MAP4: variants seen among roughly 807,000 people sequenced by gnomAD.
MAP4 encodes the protein microtubule-associated protein 4.
In MAP4, 76 loss-of-function variants were observed where a neutral mutation model predicts 170.2. The ratio of observed to expected loss-of-function variants is 0.45; its 90% CI spans 0.37 to 0.54. The LOEUF is 0.54. MAP4 is among the 20% of genes least tolerant of loss of function. MAP4 has a pLI of 0.00. For synonymous variants in MAP4, 909 were observed against 994.5 expected (o/e 0.91, Z 1.62); for missense variants, 2,506 against 2,748.0 (o/e 0.91, Z 1.97).
intron 1 of MAP4, among the ~76,000 whole-genome samples, chr3:48,015,568 T>C (rs535641614): frequency 6.6e-6 from 1 of 152,282 alleles, no homozygotes; most frequent in East Asian, 1.9e-4. Flanking sequence ...ACATCAGATT[T>C]TTTTTTAGTA....
At chr3:48,008,039 C>T (rs1037537454) in intron 1 of MAP4, among the ~76,000 whole-genome samples, 3 of 152,270 alleles carry the variant, frequency 2.0e-5, no homozygotes, top group East Asian at 3.9e-4. Context: ...AGTCACCATG[C>T]GACCTGAACT....
At chr3:47,934,077 C>T (rs1198226595) in intron 3 of MAP4, among the ~76,000 whole-genome samples, 1 of 152,182 alleles carries the variant, frequency 6.6e-6, no homozygotes, top group Non-Finnish European at 1.5e-5. Context: ...TTTTTAAACA[C>T]TGCTGGAGAA....
At chr3:47,978,780 C>CTTTTTTTTTT (rs2100083705) in intron 2 of MAP4, among the ~76,000 whole-genome samples, 1 of 119,862 alleles carries the variant, frequency 8.3e-6, no homozygotes, top group Non-Finnish European at 1.7e-5. Flanking sequence ...TTAGTTGTAT[C>CTTTTTTTTTT]TTATTCCCTA....
intron 4 of MAP4, among the ~76,000 whole-genome samples, chr3:47,923,397 G>C (rs1317117240): frequency 6.6e-6 from 1 of 151,142 alleles, no homozygotes; most frequent in Non-Finnish European, 1.5e-5. Flanking sequence ...AGGCAATATT[G>C]GGAAACTTGT....
intron 3 of MAP4, among the ~76,000 whole-genome samples, chr3:47,934,554 G>A (rs1204641756): frequency 6.6e-6 from 1 of 152,014 alleles, no homozygotes; most frequent in Non-Finnish European, 1.5e-5. Flanking sequence ...CACCCATCTT[G>A]GCCTCCCAAA....
intron 10 of MAP4, among the ~76,000 whole-genome samples, chr3:47,894,980 C>G (rs978728591): frequency 2.1e-4 from 31 of 148,444 alleles, no homozygotes; most frequent in Non-Finnish European, 4.1e-4. Flanking sequence ...GGGCCGTGAT[C>G]ACATCACTGC....
intron 1 of MAP4, among the ~76,000 whole-genome samples, chr3:48,055,061 G>A (rs2100130041): frequency 6.6e-6 from 1 of 152,212 alleles, no homozygotes; most frequent in Admixed American, 6.5e-5. Context: ...AGAAAGCCAA[G>A]TAGGGTATCC....
chr3:47,934,949 C>T lies in MAP4; in HGVS notation c.293-6599G>A, dbSNP rs12487579. 3.1e-3 allele frequency among the ~76,000 whole-genome samples: 466 copies of T among 152,326 alleles called. 4 individuals carry two copies. In the East Asian group the frequency reaches 0.035, roughly 11 times the overall value. ...ATCACCACCCTATGCTTAGGCACTACGAAAACACAGAAGCAAGTATTAGCC... is the reference window on the plus strand; with the variant it reads ...ATCACCACCCTATGCTTAGGCACTATGAAAACACAGAAGCAAGTATTAGCC... On this transcript the variant is annotated intron_variant, in intron 3 of 20. Coordinates refer to ENST00000683076, the MANE Select transcript of MAP4 (RefSeq NM_001385682.1).
intron 9 of MAP4, among the ~76,000 whole-genome samples, chr3:47,904,689 T>C (rs1205611849): frequency 6.9e-6 from 1 of 144,520 alleles, no homozygotes; most frequent in Non-Finnish European, 1.5e-5. Context: ...GGGGATGGAG[T>C]CTCACTCACT....
Position 47,929,607 on chromosome 3 carries a change from T to C in MAP4, c.293-1257A>G, listed in dbSNP as rs148429391. 3.1e-3 allele frequency among the ~76,000 whole-genome samples: 310 copies of C among 99,066 alleles called. No individual in the cohort carries two copies. In the Middle Eastern group the frequency reaches 0.033, roughly 10 times the overall value. The allele number at this position is 99,066 out of a possible 152,430, so 65.0% of individuals were successfully genotyped here. ...AAACAGATCAAAGACCTAACGTAGC[T>C]CACTTGCTAACTTATTATGCAAAAA... is the stretch of plus-strand genomic sequence containing the variant. On this transcript the variant is annotated intron_variant, in intron 3 of 20. Transcript: ENST00000683076.
rs1308936890 is a variant in MAP4, at chr3:47,910,783, CCTCT to C, written c.3634_3637del (p.Arg1212AlafsTer48). ...AAACTTTTTGCTTTTGCCTTCATTG[CCTCT>C]CTTTTTAGGCTTTTCAGAAATCCAG... is the stretch of plus-strand genomic sequence containing the variant. On this transcript the variant is annotated frameshift_variant, in exon 9 of 21. Coordinates refer to ENST00000683076, the MANE Select transcript of MAP4 (RefSeq NM_001385682.1). LOFTEE classifies it high-confidence loss of function. 1 of 1,535,994 alleles carries C rather than the reference CCTCT, an allele frequency of 6.5e-7. No homozygotes were observed. Among genetic ancestry groups the C allele is most frequent in the South Asian group, 1.2e-5 (1 of 84,050 alleles).
intron 1 of MAP4, among the ~76,000 whole-genome samples, chr3:48,002,632 A>G (rs1249801631): frequency 1.3e-5 from 2 of 152,186 alleles, no homozygotes; most frequent in Non-Finnish European, 2.9e-5. Flanking sequence ...TGTAACCCCA[A>G]CAATTTGAGA....
chr3:48,002,606 T>C lies in MAP4; in HGVS notation c.-19-3727A>G, dbSNP rs2100099808. 3.4e-5 allele frequency among the ~76,000 whole-genome samples: 5 copies of C among 146,834 alleles called. No individual in the cohort carries two copies. The Admixed American group carries it at 3.4e-4, about 10-fold the overall frequency. On this transcript the variant is annotated intron_variant, in intron 1 of 20. Coordinates refer to ENST00000683076, the MANE Select transcript of MAP4 (RefSeq NM_001385682.1). ...AAATAAAAATAAAAAATAAATAGGG[T>C]ACAGAGGCTCATGCCTGTAACCCCA... is the stretch of plus-strand genomic sequence containing the variant.
At chr3:47,880,119 T>C (rs927217637) in intron 10 of MAP4, among the ~76,000 whole-genome samples, 4 of 152,130 alleles carry the variant, frequency 2.6e-5, no homozygotes, top group Admixed American at 1.3e-4. Context: ...TTTTTTTTTT[T>C]GAGATGGAGT....
intron 10 of MAP4, among the ~76,000 whole-genome samples, chr3:47,878,476 G>A (rs760115220): frequency 6.6e-6 from 1 of 152,026 alleles, no homozygotes; most frequent in Non-Finnish European, 1.5e-5. Flanking sequence ...GAGATACAAA[G>A]TTTTTTGAAA....
At chr3:47,981,428 G>C (rs1448856604) in intron 2 of MAP4, among the ~76,000 whole-genome samples, 4 of 151,858 alleles carry the variant, frequency 2.6e-5, no homozygotes, top group Admixed American at 6.6e-5. Context: ...GCTGGGTGTG[G>C]TGGCACACGC....
Position 48,078,473 on chromosome 3 carries a change from A to T in MAP4, c.-20+10300T>A, listed in dbSNP as rs552860101. On this transcript the variant is annotated intron_variant, in intron 1 of 18. Transcript: ENST00000360240. ...TGCCTACCCCAAATTGTATGCTTTA[A>T]AATGGTGAGTTTTACGATATGTGAA... is the stretch of plus-strand genomic sequence containing the variant. Among the ~76,000 whole-genome samples the T allele has an allele frequency of 2.6e-5, 4 of 152,114 alleles. No homozygotes were observed. The South Asian group carries it at 8.3e-4, about 32-fold the overall frequency.
chr3:47,940,793 A>G (rs892958384), intron 3 of MAP4, among the ~76,000 whole-genome samples: 4 of 152,172 alleles, frequency 2.6e-5, no homozygotes, highest in African/African-American at 9.6e-5. Flanking sequence ...TTAAGAAACT[A>G]CCACTTGGCT....
At chr3:47,920,544 GTTTT>G (rs71070241) in intron 5 of MAP4, among the ~76,000 whole-genome samples, 6 of 96,582 alleles carry the variant, frequency 6.2e-5, no homozygotes, top group Non-Finnish European at 6.2e-5. Flanking sequence ...CACCCAGATG[GTTTT>G]TTTTTTTTTT....
Sources: allele counts gnomAD v4.1 joint callset (sites outside exome capture counted in the v4.1 genomes callset), GRCh38; gene constraint gnomAD v4.1.1; transcripts MANE v1.5; gene names NCBI Gene and HGNC (gene_info 2026-07-23, HGNC 2026-07-21).